The following PCNX2 variants were observed in gnomAD, a reference collection of about 807,000 sequenced individuals.
PCNX2 encodes pecanex 2.
In PCNX2, 168 loss-of-function variants were observed where a neutral mutation model predicts 223.8. That is an observed-to-expected ratio of 0.75 (90% CI 0.66 to 0.85). PCNX2 has a LOEUF of 0.85. Among genes scored for constraint, PCNX2 ranks in the 40% least tolerant of loss-of-function variants. The pLI, the probability that PCNX2 is intolerant of heterozygous loss-of-function variation, is 0.00. For synonymous variants in PCNX2, 1,006 were observed against 1,052.6 expected, an observed-to-expected ratio of 0.96 and a Z score of 0.86; for missense variants, 2,507 against 2,675.5, an observed-to-expected ratio of 0.94 and a Z score of 1.39.
At position 233,160,374 on chromosome 1, in the gene PCNX2, G is replaced by A. The variant is rs761898208; in HGVS notation, c.3426C>T (p.Tyr1142=). ...LAGAVGFVTH[Y]VLPQLRKHHP... ...GATGCTTGCGGAGCTGAGGGAGCAC[G>A]TAATGTGTTACAAACCCCACGGCTC... Residue 1142 remains tyrosine (Y), a synonymous_variant, in exon 19 of 34, where the codon TAC becomes TAT. Transcript: ENST00000258229. The A allele has an allele frequency of 7.4e-6, 12 of 1,613,198 alleles. No individual in the cohort carries two copies. The highest frequency in any genetic ancestry group is 1.7e-5 in the Admixed American group (1 of 59,978).
At chr1:233,203,974 C>T (rs1681293378) in intron 13 of PCNX2, among the ~76,000 whole-genome samples, 1 of 152,188 alleles carries the variant, frequency 6.6e-6, no homozygotes, top group African/African-American at 2.4e-5. Flanking sequence ...GTCACATGGA[C>T]CTAATTCTTC....
chr1:233,064,704 C>G (rs1438841850), intron 23 of PCNX2, among the ~76,000 whole-genome samples: 1 of 152,098 alleles, frequency 6.6e-6, no homozygotes, highest in Non-Finnish European at 1.5e-5. Context: ...AATTTTCCAA[C>G]TTTATTATTA....
At chr1:233,269,017 C>CT (rs146528374) in intron 1 of PCNX2, among the ~76,000 whole-genome samples, 1,878 of 152,316 alleles carry the variant, frequency 0.012, 47 homozygotes, top group African/African-American at 0.042. Flanking sequence ...GGGTAAGTCT[C>CT]TATCACTCTG....
intron 27 of PCNX2, among the ~76,000 whole-genome samples, chr1:233,016,364 C>G (rs1670654947): frequency 6.6e-6 from 1 of 152,174 alleles, no homozygotes; most frequent in Non-Finnish European, 1.5e-5. Flanking sequence ...GCTCCCTCCC[C>G]CTTCTCCTCC....
intron 8 of PCNX2, among the ~76,000 whole-genome samples, chr1:233,237,291 G>A (rs1658483073): frequency 6.6e-6 from 1 of 152,206 alleles, no homozygotes; most frequent in East Asian, 1.9e-4. Context: ...TGCCTGGGGA[G>A]GCCTTAGCAA....
chr1:233,155,039 GC>G (rs1415587025), intron 19 of PCNX2, among the ~76,000 whole-genome samples: 6 of 138,948 alleles, frequency 4.3e-5, no homozygotes, highest in African/African-American at 1.6e-4. Context: ...CTGCATTCCA[GC>G]CTGGGCAACA....
At chr1:232,985,672 A>C (rs896142583) in intron 33 of PCNX2, 7 of 424,914 alleles carry the variant, frequency 1.6e-5, no homozygotes, top group African/African-American at 1.0e-4. Context: ...AGTCAAATCG[A>C]TTGGCTGAGA....
chr1:233,200,652 T>C (rs916710485), intron 13 of PCNX2, among the ~76,000 whole-genome samples: 1 of 151,572 alleles, frequency 6.6e-6, no homozygotes, highest in African/African-American at 2.4e-5. Flanking sequence ...CATCTTCAGT[T>C]TGAAAGAGTA....
At chr1:233,305,237 A>T in the PCNX2 span, among the ~76,000 whole-genome samples, 1 of 152,194 alleles carries the variant, frequency 6.6e-6, no homozygotes, top group Non-Finnish European at 1.5e-5. Flanking sequence ...GTAAAGCAAG[A>T]ATTACAAAAC....
chr1:233,170,643 A>G (rs182499283), intron 17 of PCNX2, among the ~76,000 whole-genome samples: 1 of 152,338 alleles, frequency 6.6e-6, no homozygotes, highest in Admixed American at 6.5e-5. Flanking sequence ...CACTGCTATC[A>G]TAAAAGTAGT....
intron 21 of PCNX2, among the ~76,000 whole-genome samples, chr1:233,130,164 G>A (rs952452417): frequency 4.6e-5 from 7 of 152,114 alleles, no homozygotes; most frequent in East Asian, 3.9e-4. Flanking sequence ...AAGAAACTCC[G>A]AACACATCCG....
chr1:233,228,734 C>G (rs144381810), intron 9 of PCNX2, among the ~76,000 whole-genome samples: 1 of 152,326 alleles, frequency 6.6e-6, no homozygotes, highest in East Asian at 1.9e-4. Flanking sequence ...GTTGCTTCCA[C>G]CCTTTGGCTT....
chr1:233,053,682 C>T (rs1004479257), intron 25 of PCNX2, among the ~76,000 whole-genome samples: 11 of 152,176 alleles, frequency 7.2e-5, no homozygotes, highest in Non-Finnish European at 1.2e-4. Flanking sequence ...CTTTCTGCAT[C>T]CCGCATAACT....
At chr1:233,114,283 A>T (rs1675282168) in intron 21 of PCNX2, among the ~76,000 whole-genome samples, 1 of 152,184 alleles carries the variant, frequency 6.6e-6, no homozygotes, top group African/African-American at 2.4e-5. Context: ...AGTCCAGTGG[A>T]TATCAAGGGA....
intron 17 of PCNX2, among the ~76,000 whole-genome samples, chr1:233,165,804 T>TA (rs1040460608): frequency 2.0e-5 from 3 of 152,192 alleles, no homozygotes; most frequent in Admixed American, 1.3e-4. Context: ...AACTGATTGA[T>TA]AAATTCAATG....
At chr1:233,201,539 C>T (rs1304558468) in intron 13 of PCNX2, 1 of 152,174 alleles carries the variant, frequency 6.6e-6, no homozygotes, top group African/African-American at 2.4e-5. Context: ...TTCAAACAAA[C>T]TGAGAAGAGC....
chr1:233,134,902 A>T, intron 21 of PCNX2, 111 bp downstream of exon 21: 1 of 926,260 alleles, frequency 1.1e-6, no homozygotes, highest in Non-Finnish European at 1.6e-6. Context: ...ATTCAATTTC[A>T]TATCCTCCCA....
chr1:233,131,280 CA>C (rs1676489434), intron 21 of PCNX2, among the ~76,000 whole-genome samples: 2 of 152,132 alleles, frequency 1.3e-5, no homozygotes, highest in South Asian at 4.1e-4. Flanking sequence ...AGTAACATTT[CA>C]CATTGTGCAA....
chr1:233,307,416 A>G, the PCNX2 span, among the ~76,000 whole-genome samples: 7 of 152,232 alleles, frequency 4.6e-5, no homozygotes, highest in Middle Eastern at 3.4e-3. Flanking sequence ...ACGCCATGTG[A>G]CACACCAGCT....
Sources: gnomAD v4.1 joint callset for allele counts (sites outside exome capture counted in the v4.1 genomes callset) on GRCh38, gnomAD v4.1.1 for gene constraint, MANE v1.5 for transcripts, NCBI Gene and HGNC (gene_info 2026-07-23, HGNC 2026-07-21) for gene names.